Variants in CRISPLD2 observed in about 807,000 individuals in gnomAD.
The protein encoded by CRISPLD2 is cysteine rich secretory protein LCCL domain containing 2.
CRISPLD2 carries 47 observed loss-of-function variants against 71.1 expected under a neutral mutation model. The ratio of observed to expected loss-of-function variants is 0.66; its 90% CI spans 0.52 to 0.84. The LOEUF is 0.84. Ranked by LOEUF, CRISPLD2 falls within the 40% of genes least tolerant of loss-of-function variation. The probability of loss-of-function intolerance (pLI) is 0.00; values close to 1 mark genes in which losing one functional copy is unlikely to be tolerated. For missense variants in CRISPLD2, 830 were observed against 651.1 expected (o/e 1.27, Z -2.99); for synonymous variants, 317 against 250.1 (o/e 1.27, Z -2.52).
At chr16:84,880,631 G>T (rs764138085) in intron 13 of CRISPLD2, 47 bp downstream of exon 13, 4 of 1,469,118 alleles carry the variant, frequency 2.7e-6, no homozygotes, top group Non-Finnish European at 3.8e-6. Flanking sequence ...GCCTGTTAAA[G>T]ACCTCAACAT....
At chr16:84,850,830 T>C (rs1917068561) in intron 5 of CRISPLD2, 147 bp downstream of exon 5, 1 of 652,920 alleles carries the variant, frequency 1.5e-6, no homozygotes, top group Non-Finnish European at 2.7e-6. Flanking sequence ...TGGGTTAGCG[T>C]AATAGCTAAG....
chr16:84,892,658 T>C (rs865786133), intron 14 of CRISPLD2, among the ~76,000 whole-genome samples: 10 of 152,164 alleles, frequency 6.6e-5, no homozygotes, highest in Non-Finnish European at 1.3e-4. Flanking sequence ...TTTTATACCC[T>C]TGATTCTGAT....
intron 1 of CRISPLD2, among the ~76,000 whole-genome samples, chr16:84,835,945 C>G (rs138621836): frequency 6.6e-6 from 1 of 152,192 alleles, no homozygotes; most frequent in Non-Finnish European, 1.5e-5. Flanking sequence ...CAGGTTGGCC[C>G]TCCCTGATCT....
rs1917555607 is a variant in CRISPLD2 at position 84,866,952 on chromosome 16, T to A, written c.765T>A (p.Ala255=). 1 of 1,613,728 alleles carries A rather than the reference T, an allele frequency of 6.2e-7. No individual in the cohort carries two copies. Among genetic ancestry groups the A allele is most frequent in the Non-Finnish European group, 8.5e-7 (1 of 1,179,944 alleles). Residue 255 remains alanine, a synonymous_variant, in exon 7 of 15, where the codon GCT becomes GCA. Coordinates refer to ENST00000262424, the MANE Select transcript of CRISPLD2 (RefSeq NM_031476.4). ...ETDEMNEVET[A]PIPEENHVWL... ...ACGAGATGAATGAGGTGGAAACGGC[T>A]CCCATTCCTGAAGAAAACCATGTTT...
chr16:84,854,968 C>T (rs911663025), intron 6 of CRISPLD2, 139 bp downstream of exon 6: 136 of 689,342 alleles, frequency 2.0e-4, no homozygotes, highest in Non-Finnish European at 2.2e-4. Flanking sequence ...GCACATTCCT[C>T]CCGCCTCCGT....
rs140408585 is a variant in CRISPLD2 at position 84,846,105 on chromosome 16, G to C, written c.359+201G>C. 943 of 474,406 alleles carry C rather than the reference G, an allele frequency of 2.0e-3. 7 individuals carry two copies. The highest frequency in any genetic ancestry group is 0.017 in the African/African-American group (863 of 50,146). 29.4% of individuals were successfully genotyped at this position (474,406 alleles called of 1,614,324 possible). A position where few individuals can be genotyped will look rare whatever the true frequency, so the allele number is the denominator to read the frequency against. ...AAAATGTATTCAAGCTTGGTTGGCT[G>C]ACCCCAGACACTGATGATTGATTAA... On this transcript the variant is annotated intron_variant, in intron 3 of 14. Coordinates refer to ENST00000262424, the MANE Select transcript of CRISPLD2 (RefSeq NM_031476.4).
intron 8 of CRISPLD2, among the ~76,000 whole-genome samples, chr16:84,869,813 C>G (rs190162738): frequency 6.6e-6 from 1 of 152,264 alleles, no homozygotes; most frequent in Non-Finnish European, 1.5e-5. Context: ...GGCAACGCAT[C>G]TTTCTGAATG....
intron 13 of CRISPLD2, among the ~76,000 whole-genome samples, chr16:84,883,905 G>A (rs1465879194): frequency 3.3e-5 from 5 of 149,944 alleles, no homozygotes; most frequent in Non-Finnish European, 5.9e-5. Context: ...GTGCAGTGGC[G>A]TGACCTCGGC....
chr16:84,873,340 T>C, intron 10 of CRISPLD2: 1 of 376,260 alleles, frequency 2.7e-6, no homozygotes, highest in South Asian at 3.1e-5. Context: ...TAGCCAGGCG[T>C]GGTGGCAGGC....
chr16:84,838,279 CTTGCTTG>C (rs1368472851), intron 1 of CRISPLD2, 136 bp from the exon 2 acceptor site: 27 of 594,256 alleles, frequency 4.5e-5, no homozygotes, highest in Admixed American at 6.1e-5. Flanking sequence ...TCTGTGGGAC[CTTGCTTG>C]TTTAGCTTCT....
chr16:84,851,398 G>A (rs1233442441), intron 5 of CRISPLD2, among the ~76,000 whole-genome samples: 1 of 152,230 alleles, frequency 6.6e-6, no homozygotes, highest in Non-Finnish European at 1.5e-5. Context: ...ATGGCCTGAG[G>A]TTTGCATGCT....
chr16:84,845,932 G>A (rs1315314726), intron 3 of CRISPLD2, 28 bp downstream of exon 3: 9 of 1,467,748 alleles, frequency 6.1e-6, no homozygotes, highest in African/African-American at 1.4e-5. Context: ...CTCTCCGGCT[G>A]CCGCAGGACC....
chr16:84,879,209 C>G (rs951135641), intron 12 of CRISPLD2, among the ~76,000 whole-genome samples: 2 of 152,132 alleles, frequency 1.3e-5, no homozygotes, highest in African/African-American at 4.8e-5. Context: ...AGTAGATTTT[C>G]CCTGAATATT....
chr16:84,872,583 TTAG>T, intron 9 of CRISPLD2, 75 bp downstream of exon 9: 1 of 1,304,608 alleles, frequency 7.7e-7, no homozygotes, highest in Non-Finnish European at 1.1e-6. Context: ...GTGGTTGGCT[TTAG>T]TAGGAAAAGA....
chr16:84,827,981 C>G (rs1441816589), intron 1 of CRISPLD2, among the ~76,000 whole-genome samples: 1 of 152,216 alleles, frequency 6.6e-6, no homozygotes, highest in Non-Finnish European at 1.5e-5. Flanking sequence ...ATGTCCTGCT[C>G]ACACCTTCGG....
At chr16:84,841,465 G>A (rs1916768797) in intron 2 of CRISPLD2, among the ~76,000 whole-genome samples, 1 of 152,174 alleles carries the variant, frequency 6.6e-6, no homozygotes, top group South Asian at 2.1e-4. Flanking sequence ...ATCACACAGG[G>A]CTTTGAGGCT....
At position 84,868,975 on chromosome 16, in the gene CRISPLD2, C is replaced by G. The variant is rs1004829369; in HGVS notation, c.914+64C>G. ...GAGTCTGTGCTGGGCTGTCCTACCA[C>G]TGTGGCCTCTGGGCCTATGCTGGGC... On this transcript the variant is annotated intron_variant, in intron 8 of 14. Coordinates refer to ENST00000262424, the MANE Select transcript of CRISPLD2 (RefSeq NM_031476.4). 20 of 1,405,570 alleles carry G rather than the reference C, an allele frequency of 1.4e-5. 1 individual carries two copies. Among genetic ancestry groups the G allele is most frequent in the Non-Finnish European group, 4.9e-6 (5 of 1,024,074 alleles). The allele number at this position is 1,405,570 out of a possible 1,614,324, so 87.1% of individuals were successfully genotyped here.
At chr16:84,869,470 G>A (rs1221931340) in intron 8 of CRISPLD2, among the ~76,000 whole-genome samples, 3 of 152,332 alleles carry the variant, frequency 2.0e-5, no homozygotes, top group East Asian at 3.9e-4. Context: ...TTGAATCTTC[G>A]GTTTTATATC....
intron 2 of CRISPLD2, among the ~76,000 whole-genome samples, chr16:84,845,364 C>G (rs1033851757): frequency 2.6e-5 from 4 of 152,072 alleles, no homozygotes; most frequent in Non-Finnish European, 4.4e-5. Flanking sequence ...GAGAGGAAGC[C>G]TGGTGTGCCT....
Sources: gnomAD v4.1 joint callset for allele counts (sites outside exome capture counted in the v4.1 genomes callset) on GRCh38, gnomAD v4.1.1 for gene constraint, MANE v1.5 for transcripts, NCBI Gene and HGNC (gene_info 2026-07-23, HGNC 2026-07-21) for gene names.